Variants in TMEM132B observed in about 807,000 individuals in gnomAD.
TMEM132B encodes the protein transmembrane protein 132B.
In TMEM132B, 18 loss-of-function variants were observed where a neutral mutation model predicts 90.8. The ratio of observed to expected loss-of-function variants is 0.20; its 90% CI spans 0.14 to 0.29. TMEM132B has a LOEUF of 0.29. TMEM132B is among the 10% of genes least tolerant of loss of function. The pLI, the probability that TMEM132B is intolerant of heterozygous loss-of-function variation, is 1.00. For synonymous variants in TMEM132B, 504 were observed against 523.3 expected (o/e 0.96, Z 0.50); for missense variants, 1,096 against 1,326.8 (o/e 0.83, Z 2.70).
At chr12:125,266,669 A>G (rs1372992258) in intron 1 of TMEM132B, among the ~76,000 whole-genome samples, 1 of 152,232 alleles carries the variant, frequency 6.6e-6, no homozygotes, top group African/African-American at 2.4e-5. Context: ...TCTCCACACC[A>G]CACTTGTAAA....
Position 125,562,962 on chromosome 12 carries a change from A to C in TMEM132B, c.1294-20889A>C, listed in dbSNP as rs1399620671. On this transcript the variant is annotated intron_variant, in intron 4 of 8. Transcript: ENST00000682704. ...CTAACAGACTTAATTTCAATATTGC[A>C]TGTCTCTTCTCAGGGAATAGGGAGG... is the stretch of plus-strand genomic sequence containing the variant. Among the ~76,000 whole-genome samples the C allele has an allele frequency of 3.3e-5, 5 of 151,958 alleles. No homozygotes were observed. The East Asian group carries it at 9.7e-4, about 29-fold the overall frequency.
chr12:125,346,367 T>C (rs1280652283), intron 1 of TMEM132B, among the ~76,000 whole-genome samples: 2 of 152,236 alleles, frequency 1.3e-5, no homozygotes, highest in Non-Finnish European at 2.9e-5. Context: ...AAGCCTTATG[T>C]TGGACTTCCC....
At chr12:125,517,567 A>G (rs1883199319) in intron 3 of TMEM132B, among the ~76,000 whole-genome samples, 1 of 152,060 alleles carries the variant, frequency 6.6e-6, no homozygotes, top group South Asian at 2.1e-4. Context: ...ACCTATGTGC[A>G]GCTTAGGGTC....
intron 4 of TMEM132B, among the ~76,000 whole-genome samples, chr12:125,559,486 T>C (rs921879551): frequency 1.3e-5 from 2 of 152,114 alleles, no homozygotes; most frequent in Non-Finnish European, 2.9e-5. Flanking sequence ...AGGAGAAATA[T>C]TTACTGAGAA....
At chr12:125,198,156 A>G (rs145994734) in intron 1 of TMEM132B, among the ~76,000 whole-genome samples, 50 of 152,352 alleles carry the variant, frequency 3.3e-4, no homozygotes, top group Middle Eastern at 6.8e-3. Flanking sequence ...ACCCAGGCTT[A>G]TGATATTTTA....
In TMEM132B at chr12:125,186,903, G is replaced by C. The variant is rs1237648887; in HGVS notation, c.67+37G>C. The C allele has an allele frequency of 6.6e-6, 1 of 152,196 alleles. No homozygotes were observed. Among genetic ancestry groups the C allele is most frequent in the East Asian group, 1.9e-4 (1 of 5,158 alleles). The allele number at this position is 152,196 out of a possible 1,614,324, so 9.4% of individuals were successfully genotyped here. On this transcript the variant is annotated intron_variant, in intron 1 of 8. Coordinates refer to ENST00000682704, the MANE Select transcript of TMEM132B (RefSeq NM_001366854.1). The surrounding 1 kb of genome is among the most constrained non-coding windows in gnomAD (Gnocchi z 6.3). Reference sequence around the variant, plus strand: ...CCGGACCCCATCCCCGACCCCGGCCGAGGCGCACAAAGTTGGGTGAACGGG... The same window carrying C: ...CCGGACCCCATCCCCGACCCCGGCCCAGGCGCACAAAGTTGGGTGAACGGG...
chr12:125,575,399 T>G (rs1346320107), intron 4 of TMEM132B, among the ~76,000 whole-genome samples: 2 of 151,954 alleles, frequency 1.3e-5, no homozygotes, highest in African/African-American at 4.8e-5. Flanking sequence ...TATCCCCTCA[T>G]TTTTAATTTG....
intron 4 of TMEM132B, among the ~76,000 whole-genome samples, chr12:125,554,366 A>C (rs1055872876): frequency 1.3e-5 from 2 of 148,168 alleles, no homozygotes; most frequent in African/African-American, 5.0e-5. Flanking sequence ...TGGAGCTTAC[A>C]GTGAGCCGAG....
intron 5 of TMEM132B, among the ~76,000 whole-genome samples, chr12:125,636,361 T>C (rs1030163784): frequency 2.6e-5 from 4 of 152,218 alleles, no homozygotes; most frequent in African/African-American, 9.6e-5. Context: ...GTCCGCTTCC[T>C]TCTTGGCTTT....
chr12:125,241,839 G>A (rs1208516751), intron 1 of TMEM132B, among the ~76,000 whole-genome samples: 1 of 152,178 alleles, frequency 6.6e-6, no homozygotes, highest in African/African-American at 2.4e-5. Context: ...TGACCAATGT[G>A]TATAAGTTTT....
chr12:125,511,170 C>T (rs1185379689), intron 3 of TMEM132B, among the ~76,000 whole-genome samples: 2 of 152,204 alleles, frequency 1.3e-5, no homozygotes, highest in African/African-American at 4.8e-5. Context: ...TCTCTTGTGA[C>T]TGGCTTCTTT....
At chr12:125,610,973 T>C (rs1885811582) in intron 5 of TMEM132B, among the ~76,000 whole-genome samples, 1 of 152,162 alleles carries the variant, frequency 6.6e-6, no homozygotes, top group Non-Finnish European at 1.5e-5. Flanking sequence ...AATTCTTCTT[T>C]AAATATTTTG....
At chr12:125,485,317 G>A (rs1243416461) in intron 3 of TMEM132B, among the ~76,000 whole-genome samples, 4 of 152,066 alleles carry the variant, frequency 2.6e-5, no homozygotes. Flanking sequence ...TTTGCATGTT[G>A]TTTCTTCCCC....
At chr12:125,604,439 C>A in intron 5 of TMEM132B, among the ~76,000 whole-genome samples, 1 of 150,454 alleles carries the variant, frequency 6.6e-6, no homozygotes, top group Non-Finnish European at 1.5e-5. Context: ...CACACCGGGG[C>A]CAGTTGGGGG....
chr12:125,381,970 G>A (rs752512525), intron 2 of TMEM132B, among the ~76,000 whole-genome samples: 7 of 152,188 alleles, frequency 4.6e-5, no homozygotes, highest in Non-Finnish European at 1.0e-4. Flanking sequence ...TCTCTGTGGA[G>A]GTCTTGCCAA....
chr12:125,613,670 T>G (rs183667697), intron 5 of TMEM132B, among the ~76,000 whole-genome samples: 136 of 152,154 alleles, frequency 8.9e-4, no homozygotes, highest in African/African-American at 2.8e-3. Context: ...AGCATTAATT[T>G]TATATAACTT....
At chr12:125,479,103 T>C (rs1881971318) in intron 3 of TMEM132B, among the ~76,000 whole-genome samples, 1 of 152,190 alleles carries the variant, frequency 6.6e-6, no homozygotes, top group Non-Finnish European at 1.5e-5. Flanking sequence ...CAAGAGCTCC[T>C]GAGGGAAGCA....
rs373253628 is a variant in TMEM132B, at chr12:125,650,863, C to A, written c.1824C>A (p.Thr608=). The change falls in exon 7 of 9, where the codon ACC becomes ACA. Residue 608 remains threonine, a synonymous_variant. Coordinates refer to ENST00000682704, the MANE Select transcript of TMEM132B (RefSeq NM_001366854.1). ...AGTTTGACATCACTGACCTTGTGACCGAGTTCATGAAGGTGGAGGAGCCGA... is the reference window on the plus strand; with the variant it reads ...AGTTTGACATCACTGACCTTGTGACAGAGTTCATGAAGGTGGAGGAGCCGA... The part of the protein sequence containing the change: ...DWQFDITDLV[T]EFMKVEEPKI... 43 of 1,613,942 alleles carry A rather than the reference C, an allele frequency of 2.7e-5. No homozygotes were observed. The highest frequency in any genetic ancestry group is 3.3e-4 in the Middle Eastern group (2 of 6,024).
chr12:125,437,784 C>T (rs965718456), intron 3 of TMEM132B, among the ~76,000 whole-genome samples: 17 of 152,096 alleles, frequency 1.1e-4, no homozygotes, highest in Admixed American at 2.0e-4. Flanking sequence ...TCTATAGAGA[C>T]GGACAGCAGA....
Sources: gnomAD v4.1 joint callset for allele counts (sites outside exome capture counted in the v4.1 genomes callset) on GRCh38, gnomAD v4.1.1 for gene constraint, Gnocchi (gnomAD v3.1) non-coding constraint, MANE v1.5 for transcripts, NCBI Gene and HGNC (gene_info 2026-07-23, HGNC 2026-07-21) for gene names.